COBL: variants seen among roughly 807,000 people sequenced by gnomAD.
The protein encoded by COBL is protein cordon-bleu.
In COBL, 51 loss-of-function variants were observed where a neutral mutation model predicts 98.8. The observed-to-expected ratio is 0.52, with a 90% CI of 0.41 to 0.65. The LOEUF is 0.65. Ranked by LOEUF, COBL falls within the 30% of genes least tolerant of loss-of-function variation. The pLI is 0.00. For missense variants in COBL, 1,617 were observed against 1,617.5 expected (o/e 1.00, Z 0.01); for synonymous variants, 634 against 651.7 (o/e 0.97, Z 0.41).
chr7:51,041,529 G>A lies in COBL; in HGVS notation c.1406+1854C>T, dbSNP rs549075577. Among the ~76,000 whole-genome samples, 16 of 131,080 alleles carry A rather than the reference G, an allele frequency of 1.2e-4. No individual in the cohort carries two copies. The East Asian group carries it at 3.2e-3, about 26-fold the overall frequency. The allele number at this position is 131,080 out of a possible 152,430, so 86.0% of individuals were successfully genotyped here. ...GACAGAGTCTCACTCTGTCACCCAG[G>A]CAGGAATGCAATGGCGCGATCTCGG... On this transcript the variant is annotated intron_variant, in intron 8 of 12. Transcript: ENST00000265136.
intron 5 of COBL, among the ~76,000 whole-genome samples, chr7:51,176,431 T>C (rs368319189): frequency 1.1e-4 from 16 of 151,058 alleles, no homozygotes; most frequent in African/African-American, 3.2e-4. Context: ...CACACACACA[T>C]ATATGCACCC....
intron 5 of COBL, among the ~76,000 whole-genome samples, chr7:51,138,118 T>C (rs916252083): frequency 6.6e-6 from 1 of 152,186 alleles, no homozygotes; most frequent in South Asian, 2.1e-4. Context: ...CTGCAGACAC[T>C]GAATATCAAC....
rs546067582 is a variant in COBL, at chr7:51,212,906, A to G, written c.245+6835T>C. On this transcript the variant is annotated intron_variant, in intron 2 of 12. Transcript: ENST00000265136. ...GTTGCTGGTCTGGAACCCCACTTTG[A>G]GAATTGCTAGACTCTAAGTACCCAG... Among the ~76,000 whole-genome samples, 16 of 152,332 alleles carry G rather than the reference A, an allele frequency of 1.1e-4. No homozygotes were observed. The South Asian group carries it at 3.1e-3, about 30-fold the overall frequency.
intron 6 of COBL, among the ~76,000 whole-genome samples, chr7:51,086,376 A>AG (rs1794245683): frequency 6.9e-6 from 1 of 145,720 alleles, no homozygotes; most frequent in Admixed American, 6.9e-5. Context: ...AAAAAAAAAA[A>AG]AAAAAAAAGA....
intron 6 of COBL, among the ~76,000 whole-genome samples, chr7:51,085,651 G>C (rs1308183702): frequency 6.6e-6 from 1 of 152,328 alleles, no homozygotes; most frequent in African/African-American, 2.4e-5. Flanking sequence ...GAGACCCATA[G>C]TCCTTCATTA....
intron 5 of COBL, among the ~76,000 whole-genome samples, chr7:51,152,552 C>T (rs1048249504): frequency 3.9e-5 from 6 of 152,188 alleles, no homozygotes; most frequent in African/African-American, 1.4e-4. Context: ...AAAAAAATGG[C>T]AATAAGCTAT....
intron 5 of COBL, among the ~76,000 whole-genome samples, chr7:51,147,642 G>C (rs1424838255): frequency 6.6e-6 from 1 of 152,216 alleles, no homozygotes; most frequent in Non-Finnish European, 1.5e-5. Flanking sequence ...AAATAAGGAA[G>C]AGGAATAGGC....
At chr7:51,173,634 A>T (rs1321046442) in intron 5 of COBL, among the ~76,000 whole-genome samples, 2 of 152,170 alleles carry the variant, frequency 1.3e-5, no homozygotes, top group African/African-American at 4.8e-5. Flanking sequence ...TGGAAAATTC[A>T]ATTTCTAGAC....
chr7:51,261,941 T>C (rs561162645), intron 1 of COBL, among the ~76,000 whole-genome samples: 1 of 151,944 alleles, frequency 6.6e-6, no homozygotes, highest in East Asian at 1.9e-4. Flanking sequence ...AGAGTGAAAC[T>C]CCATCTCAAA....
intron 1 of COBL, among the ~76,000 whole-genome samples, chr7:51,305,053 T>C (rs1320859350): frequency 6.6e-6 from 1 of 152,140 alleles, no homozygotes; most frequent in Non-Finnish European, 1.5e-5. Context: ...CAAGGGCCAG[T>C]CCCTATGTCA....
At chr7:51,299,909 A>G (rs1801767012) in intron 1 of COBL, among the ~76,000 whole-genome samples, 2 of 152,138 alleles carry the variant, frequency 1.3e-5, no homozygotes, top group African/African-American at 4.8e-5. Flanking sequence ...TCGCAACAAC[A>G]TTAAGCTGCT....
chr7:51,085,794 C>A (rs1247203395), intron 6 of COBL, among the ~76,000 whole-genome samples: 1 of 152,200 alleles, frequency 6.6e-6, no homozygotes, highest in African/African-American at 2.4e-5. Flanking sequence ...ACTGCATGTT[C>A]ACGTTCCAGA....
intron 7 of COBL, among the ~76,000 whole-genome samples, chr7:51,082,490 G>C (rs1002591609): frequency 5.3e-5 from 8 of 152,204 alleles, no homozygotes; most frequent in Non-Finnish European, 1.0e-4. Context: ...GGGTGTGCCA[G>C]GAAACAGAAG....
intron 5 of COBL, among the ~76,000 whole-genome samples, chr7:51,144,841 G>C (rs10264920): frequency 0.14 from 21,758 of 152,178 alleles, 2,037 homozygotes; most frequent in African/African-American, 0.26. Flanking sequence ...ATAATGTTTT[G>C]AAGGTTTGCT....
At chr7:51,065,368 G>A (rs768017227) in intron 7 of COBL, 45 of 703,524 alleles carry the variant, frequency 6.4e-5, no homozygotes, top group South Asian at 6.1e-4. Flanking sequence ...CATCCACAGG[G>A]TTCTTGGCTT....
In COBL at chr7:51,292,310, G is replaced by A. The variant is rs1800980064; in HGVS notation, c.41+24283C>T. On this transcript the variant is annotated intron_variant, in intron 1 of 12. Transcript: ENST00000265136. ...AGGTACCCACTGAATGGAATGAAAT[G>A]AATCTTCAAATCAATGACTGTTGAT... Among the ~76,000 whole-genome samples the A allele has an allele frequency of 2.0e-5, 3 of 152,284 alleles. 1 individual carries two copies. Among genetic ancestry groups the A allele is most frequent in the South Asian group, 4.2e-4 (2 of 4,816 alleles).
intron 6 of COBL, among the ~76,000 whole-genome samples, chr7:51,120,978 T>C (rs577100017): frequency 1.6e-4 from 25 of 152,218 alleles, no homozygotes; most frequent in Non-Finnish European, 3.2e-4. Flanking sequence ...GCGATGAACA[T>C]GGGTGTACAG....
chr7:51,252,225 T>C (rs917678155), intron 1 of COBL, among the ~76,000 whole-genome samples: 1 of 152,216 alleles, frequency 6.6e-6, no homozygotes, highest in Admixed American at 6.5e-5. Context: ...ACACACCATA[T>C]AATTTGCCCA....
At chr7:51,179,346 TG>T (rs1788710252) in intron 5 of COBL, among the ~76,000 whole-genome samples, 1 of 151,954 alleles carries the variant, frequency 6.6e-6, no homozygotes, top group African/African-American at 2.4e-5. Context: ...AAGCAATTTT[TG>T]TATTTTAGTA....
Sources: allele counts gnomAD v4.1 joint callset (sites outside exome capture counted in the v4.1 genomes callset), GRCh38; gene constraint gnomAD v4.1.1; transcripts MANE v1.5; gene names NCBI Gene and HGNC (gene_info 2026-07-23, HGNC 2026-07-21).